The following MBD5 variants were observed in gnomAD, a reference collection of about 807,000 sequenced individuals.
MBD5 encodes methyl-CpG binding domain protein 5, also known as methyl-CpG-binding domain protein 5.
MBD5 carries 13 observed loss-of-function variants against 117.3 expected under a neutral mutation model. That is an observed-to-expected ratio of 0.11 (90% CI 0.07 to 0.18). The LOEUF (loss-of-function observed/expected upper bound fraction) is 0.18, where lower values mean the gene tolerates loss of function less well. Ranked by LOEUF, MBD5 falls within the 10% of genes least tolerant of loss-of-function variation. MBD5 has a pLI of 1.00. For synonymous variants in MBD5, 727 were observed against 766.4 expected (o/e 0.95, Z 0.85); for missense variants, 1,879 against 2,093.8 (o/e 0.90, Z 2.00).
Position 148,154,504 on chromosome 2 carries a change from G to A in MBD5, c.-924-24196G>A, listed in dbSNP as rs76788377. The stretch of plus-strand genomic sequence containing the variant: ...TGCTTTGTTTACCTAAGCAAGCCTG[G>A]GCAATGGTGGGCGCCCCTCCCCCAG... On this transcript the variant is annotated intron_variant, in intron 1 of 13. Coordinates refer to ENST00000642680, the MANE Select transcript of MBD5 (RefSeq NM_001378120.1). Among the ~76,000 whole-genome samples, 4 of 152,204 alleles carry A rather than the reference G, an allele frequency of 2.6e-5. No homozygotes were observed. The South Asian group carries it at 6.2e-4, about 24-fold the overall frequency.
chr2:148,329,211 TACTC>T (rs1702565022), intron 3 of MBD5, among the ~76,000 whole-genome samples: 1 of 152,258 alleles, frequency 6.6e-6, no homozygotes, highest in African/African-American at 2.4e-5. Flanking sequence ...CAACTGCACT[TACTC>T]AGTTTCTGAG....
intron 1 of MBD5, among the ~76,000 whole-genome samples, chr2:148,034,010 C>T (rs749327004): frequency 6.6e-5 from 10 of 152,080 alleles, no homozygotes; most frequent in Non-Finnish European, 1.5e-4. Flanking sequence ...GCCTGGGCAC[C>T]ATGGTGAAAC....
intron 3 of MBD5, among the ~76,000 whole-genome samples, chr2:148,271,861 G>A (rs568783107): frequency 1.3e-5 from 2 of 152,034 alleles, no homozygotes; most frequent in African/African-American, 2.4e-5. Flanking sequence ...AACCACAGTT[G>A]CCATATTATA....
chr2:148,085,624 T>G (rs1266671222), intron 1 of MBD5, among the ~76,000 whole-genome samples: 4 of 150,414 alleles, frequency 2.7e-5, no homozygotes, highest in Non-Finnish European at 5.9e-5. Flanking sequence ...CTTGGGAGGC[T>G]GAGGCAGGAG....
At chr2:148,446,102 A>G (rs1048784481) in intron 4 of MBD5, among the ~76,000 whole-genome samples, 8 of 150,776 alleles carry the variant, frequency 5.3e-5, no homozygotes, top group East Asian at 3.9e-4. Context: ...CTCTGATGGT[A>G]GTTTCTTTTG....
chr2:148,071,178 A>G (rs1352729809), intron 1 of MBD5: 1 of 152,120 alleles, frequency 6.6e-6, no homozygotes, highest in African/African-American at 2.4e-5. Flanking sequence ...TAACAAAATA[A>G]CAGACATATA....
At chr2:148,445,261 T>A (rs1450387153) in intron 4 of MBD5, among the ~76,000 whole-genome samples, 1 of 151,208 alleles carries the variant, frequency 6.6e-6, no homozygotes, top group Non-Finnish European at 1.5e-5. Context: ...ACATTAGGTG[T>A]ATCTCCTAAT....
intron 4 of MBD5, among the ~76,000 whole-genome samples, chr2:148,344,439 A>G (rs1443549537): frequency 6.6e-6 from 1 of 151,968 alleles, no homozygotes; most frequent in Non-Finnish European, 1.5e-5. Context: ...CGATTCTTCC[A>G]ATCCATGAGC....
intron 1 of MBD5, among the ~76,000 whole-genome samples, chr2:148,177,851 T>C (rs1479579245): frequency 6.6e-6 from 1 of 152,190 alleles, no homozygotes; most frequent in Non-Finnish European, 1.5e-5. Context: ...GCAATGATAA[T>C]TGCTAATCCA....
intron 2 of MBD5, among the ~76,000 whole-genome samples, chr2:148,210,285 T>C (rs1471987630): frequency 6.6e-6 from 1 of 152,144 alleles, no homozygotes; most frequent in East Asian, 1.9e-4. Context: ...TTCATTTATG[T>C]ATACCCTACC....
intron 4 of MBD5, among the ~76,000 whole-genome samples, chr2:148,405,246 C>T (rs985813047): frequency 6.6e-6 from 1 of 152,112 alleles, no homozygotes; most frequent in Non-Finnish European, 1.5e-5. Context: ...GAAATAAACA[C>T]ATAAATAAAA....
rs9750419 is a variant in MBD5, at chr2:148,327,444, G to T, written c.-679-14770G>T. 2.6e-5 allele frequency among the ~76,000 whole-genome samples: 4 copies of T among 151,838 alleles called. No individual in the cohort carries two copies. In the South Asian group the frequency reaches 6.2e-4, roughly 24 times the overall value. On this transcript the variant is annotated intron_variant, in intron 3 of 13. Transcript: ENST00000642680. ...TCCTTTAGAGTGTTTCCTGCAGAGG[G>T]GGGGTTCCATTCTCCCCATCACTTT...
At chr2:148,392,575 G>A (rs897899577) in intron 4 of MBD5, among the ~76,000 whole-genome samples, 2 of 152,206 alleles carry the variant, frequency 1.3e-5, no homozygotes, top group African/African-American at 2.4e-5. Context: ...GGCTTTTTTG[G>A]TGTGTTTAAT....
At chr2:148,281,103 T>C (rs2106382222) in intron 3 of MBD5, among the ~76,000 whole-genome samples, 1 of 152,346 alleles carries the variant, frequency 6.6e-6, no homozygotes, top group Non-Finnish European at 1.5e-5. Context: ...ATAATGATGC[T>C]TTTAATCCAA....
chr2:148,107,930 T>G (rs1454472681), intron 1 of MBD5, among the ~76,000 whole-genome samples: 1 of 152,196 alleles, frequency 6.6e-6, no homozygotes, highest in Non-Finnish European at 1.5e-5. Context: ...GAGAACAGTA[T>G]TAGTACAATA....
At chr2:148,090,005 C>T (rs10803524) in intron 1 of MBD5, among the ~76,000 whole-genome samples, 133,727 of 152,062 alleles carry the variant, frequency 0.88, 58,898 homozygotes, top group East Asian at 0.91. Context: ...ATGGGAGATA[C>T]TACAAACAAT....
intron 4 of MBD5, among the ~76,000 whole-genome samples, chr2:148,358,409 A>G (rs903780169): frequency 6.6e-6 from 1 of 152,214 alleles, no homozygotes; most frequent in African/African-American, 2.4e-5. Context: ...ATATAAAGAA[A>G]TAAGTGGATT....
At chr2:148,029,415 T>C (rs1344206319) in intron 1 of MBD5, among the ~76,000 whole-genome samples, 8 of 152,276 alleles carry the variant, frequency 5.3e-5, no homozygotes, top group South Asian at 2.1e-4. Context: ...TTGAAAAATA[T>C]AGCAATATGT....
chr2:148,173,856 C>T (rs1055382398), intron 1 of MBD5, among the ~76,000 whole-genome samples: 2 of 152,170 alleles, frequency 1.3e-5, no homozygotes, highest in Non-Finnish European at 2.9e-5. Flanking sequence ...TTAAAATGCT[C>T]ATATTACCCA....
Sources: allele counts gnomAD v4.1 joint callset (sites outside exome capture counted in the v4.1 genomes callset), GRCh38; gene constraint gnomAD v4.1.1; transcripts MANE v1.5; gene names NCBI Gene and HGNC (gene_info 2026-07-23, HGNC 2026-07-21).